GPHN: variants seen among roughly 807,000 people sequenced by gnomAD.
GPHN encodes the protein gephyrin.
In GPHN, 17 loss-of-function variants were observed where a neutral mutation model predicts 95.5. That is an observed-to-expected ratio of 0.18 (90% CI 0.12 to 0.27). The LOEUF (loss-of-function observed/expected upper bound fraction) is 0.27. Among genes scored for constraint, GPHN ranks in the 10% least tolerant of loss-of-function variants. The pLI, the probability that GPHN is intolerant of heterozygous loss-of-function variation, is 1.00. For synonymous variants in GPHN, 320 were observed against 322.5 expected (o/e 0.99, Z 0.08); for missense variants, 660 against 978.1 (o/e 0.67, Z 4.34).
At chr14:67,078,372 C>T (rs1200591350) in intron 11 of GPHN, among the ~76,000 whole-genome samples, 1 of 152,132 alleles carries the variant, frequency 6.6e-6, no homozygotes, top group Non-Finnish European at 1.5e-5. Flanking sequence ...ACTGCTTCAG[C>T]TGCTCACTGC....
the GPHN span, chr14:67,593,498 AAAAAAG>A: frequency 4.2e-6 from 2 of 471,430 alleles, no homozygotes; most frequent in Non-Finnish European, 7.6e-6. Flanking sequence ...CTCAAAAAAA[AAAAAAG>A]AAAAAAGATA....
chr14:67,324,988 T>G, the GPHN span, among the ~76,000 whole-genome samples: 1 of 137,614 alleles, frequency 7.3e-6, no homozygotes, highest in African/African-American at 2.8e-5. Context: ...GACTGCAAGC[T>G]CCGCCTCCCA....
chr14:67,194,909 T>C, the GPHN span, among the ~76,000 whole-genome samples: 7 of 152,344 alleles, frequency 4.6e-5, 2 homozygotes, highest in African/African-American at 1.7e-4. Context: ...CTGCCCACCT[T>C]GGCCTCTTAA....
intron 2 of GPHN, among the ~76,000 whole-genome samples, chr14:66,764,817 TC>T (rs1488108519): frequency 6.6e-6 from 1 of 152,092 alleles, no homozygotes; most frequent in Non-Finnish European, 1.5e-5. Context: ...TGATTAGTAT[TC>T]TAAGTTTAAA....
intron 1 of GPHN, among the ~76,000 whole-genome samples, chr14:66,543,959 A>G (rs186456588): frequency 0.012 from 1,838 of 152,308 alleles, 18 homozygotes; most frequent in Non-Finnish European, 0.018. Flanking sequence ...TACTTTGCTG[A>G]GGACTCTCCA....
At chr14:67,644,638 G>A in the GPHN span, among the ~76,000 whole-genome samples, 6 of 152,182 alleles carry the variant, frequency 3.9e-5, no homozygotes, top group Non-Finnish European at 8.8e-5. Context: ...AATTGAGACA[G>A]AACAGTTGGC....
At chr14:67,065,303 T>C (rs1358285713) in intron 11 of GPHN, among the ~76,000 whole-genome samples, 2 of 152,204 alleles carry the variant, frequency 1.3e-5, no homozygotes, top group East Asian at 3.8e-4. Context: ...AGAGACAGTA[T>C]GTTGTGATTT....
intron 1 of GPHN, among the ~76,000 whole-genome samples, chr14:66,569,309 G>A (rs1381060374): frequency 3.3e-5 from 5 of 152,090 alleles, no homozygotes; most frequent in African/African-American, 1.2e-4. Context: ...TTGTAGCTCA[G>A]CAACTTTTTC....
chr14:67,575,815 GT>G, the GPHN span: 45 of 1,610,762 alleles, frequency 2.8e-5, no homozygotes, highest in Non-Finnish European at 3.7e-5. Context: ...GAAGACTGCT[GT>G]CCACAGCGAC....
intron 3 of GPHN, chr14:66,823,290 C>T (rs1393319189): frequency 6.6e-6 from 1 of 152,256 alleles, no homozygotes; most frequent in Non-Finnish European, 1.5e-5. Context: ...GCATGAGCCA[C>T]TCACCCAGCT....
At chr14:67,412,300 C>T in the GPHN span, 2 of 432,146 alleles carry the variant, frequency 4.6e-6, no homozygotes. Context: ...GTGGTTGGTC[C>T]TCCAGGTACA....
chr14:66,784,289 G>A (rs917409222), intron 3 of GPHN, among the ~76,000 whole-genome samples: 1 of 152,074 alleles, frequency 6.6e-6, no homozygotes, highest in African/African-American at 2.4e-5. Flanking sequence ...CTGGAAAAAA[G>A]AACTGTCAAC....
chr14:67,051,652 A>G (rs980010078), intron 10 of GPHN, among the ~76,000 whole-genome samples: 15 of 152,332 alleles, frequency 9.8e-5, no homozygotes, highest in South Asian at 4.1e-4. Context: ...CCCAAGACAC[A>G]TAATCATCAG....
intron 8 of GPHN, among the ~76,000 whole-genome samples, chr14:66,964,858 G>A (rs2069201148): frequency 6.6e-6 from 1 of 152,074 alleles, no homozygotes; most frequent in Non-Finnish European, 1.5e-5. Context: ...AAAAGGAAAT[G>A]GAAAATATAT....
At chr14:67,422,038 CCT>C in the GPHN span, among the ~76,000 whole-genome samples, 1 of 152,086 alleles carries the variant, frequency 6.6e-6, no homozygotes, top group African/African-American at 2.4e-5. Flanking sequence ...GGAGAGATTG[CCT>C]CTCTCAGGGC....
the GPHN span, chr14:67,570,035 G>A: frequency 1.1e-5 from 16 of 1,473,888 alleles, no homozygotes; most frequent in Non-Finnish European, 1.2e-5. Context: ...TGCACAAAGA[G>A]GGGGTGTCTC....
Position 67,057,010 on chromosome 14 carries a change from C to T in GPHN, c.1007-1639C>T, listed in dbSNP as rs552422423. 5.1e-4 allele frequency among the ~76,000 whole-genome samples: 78 copies of T among 152,288 alleles called. 1 individual carries two copies. The highest frequency in any genetic ancestry group is 1.0e-4 in the Non-Finnish European group (7 of 68,004). ...GCCGTACCCACGCCCACCCAGAACT[C>T]GTGCTGGCCCGCAAGTGCCACCCAC... On this transcript the variant is annotated intron_variant, in intron 10 of 22. Coordinates refer to ENST00000478722, the MANE Select transcript of GPHN (RefSeq NM_020806.5).
At chr14:67,290,444 C>T in the GPHN span, among the ~76,000 whole-genome samples, 1 of 152,166 alleles carries the variant, frequency 6.6e-6, no homozygotes, top group African/African-American at 2.4e-5. Flanking sequence ...ACTCAGTTGC[C>T]CAGGCTAGAG....
the GPHN span, among the ~76,000 whole-genome samples, chr14:67,669,493 T>C: frequency 6.6e-6 from 1 of 151,820 alleles, no homozygotes; most frequent in African/African-American, 2.4e-5. Flanking sequence ...TCTCCAACTC[T>C]TGGCCTCATG....
Sources: gnomAD v4.1 joint callset for allele counts (sites outside exome capture counted in the v4.1 genomes callset) on GRCh38, gnomAD v4.1.1 for gene constraint, MANE v1.5 for transcripts, NCBI Gene and HGNC (gene_info 2026-07-23, HGNC 2026-07-21) for gene names.